Variants in GPR158 observed in about 807,000 individuals in gnomAD.
GPR158 encodes metabotropic glycine receptor.
Under a neutral mutation model 78.2 loss-of-function variants are expected in GPR158, and 30 were observed. The observed-to-expected ratio is 0.38, with a 90% CI of 0.29 to 0.52. The LOEUF is 0.52. Among genes scored for constraint, GPR158 ranks in the 20% least tolerant of loss-of-function variants. The pLI, the probability that GPR158 is intolerant of heterozygous loss-of-function variation, is 0.83. For missense variants in GPR158, 1,463 were observed against 1,523.5 expected, an observed-to-expected ratio of 0.96 and a Z score of 0.66; for synonymous variants, 581 against 591.1, an observed-to-expected ratio of 0.98 and a Z score of 0.25.
chr10:25,590,976 GGA>G (rs1374812589), intron 8 of GPR158, among the ~76,000 whole-genome samples: 1 of 152,012 alleles, frequency 6.6e-6, no homozygotes, highest in African/African-American at 2.4e-5. Context: ...GGTTCTTTCA[GGA>G]GTAGGCATGG....
At chr10:25,384,256 A>G (rs1423205685) in intron 2 of GPR158, among the ~76,000 whole-genome samples, 1 of 152,182 alleles carries the variant, frequency 6.6e-6, no homozygotes, top group Non-Finnish European at 1.5e-5. Flanking sequence ...CTGCCAGCTC[A>G]AAATAAAGAA....
At chr10:25,483,426 C>T (rs529844744) in intron 5 of GPR158, among the ~76,000 whole-genome samples, 2 of 152,108 alleles carry the variant, frequency 1.3e-5, no homozygotes, top group African/African-American at 2.4e-5. Flanking sequence ...AAGCTCACCC[C>T]GACTACCCGA....
At chr10:25,367,135 T>G (rs1376420745) in intron 2 of GPR158, among the ~76,000 whole-genome samples, 1 of 151,698 alleles carries the variant, frequency 6.6e-6, no homozygotes, top group Non-Finnish European at 1.5e-5. Flanking sequence ...TTCTACTCCA[T>G]ATTTCATCTA....
intron 5 of GPR158, among the ~76,000 whole-genome samples, chr10:25,524,718 T>A (rs900148505): frequency 1.1e-4 from 17 of 152,174 alleles, no homozygotes; most frequent in African/African-American, 4.1e-4. Context: ...TTTATGACCT[T>A]GGGGTAAGCA....
intron 4 of GPR158, among the ~76,000 whole-genome samples, chr10:25,425,439 A>C (rs1834807050): frequency 6.6e-6 from 1 of 151,942 alleles, no homozygotes; most frequent in South Asian, 2.1e-4. Flanking sequence ...GATGTTGAAC[A>C]TTTTTTCATA....
intron 4 of GPR158, among the ~76,000 whole-genome samples, chr10:25,434,447 A>T (rs1834969412): frequency 6.6e-6 from 1 of 152,218 alleles, no homozygotes; most frequent in African/African-American, 2.4e-5. Context: ...TTTGAAAAAT[A>T]TTATGAGACA....
chr10:25,283,946 C>T (rs147846936), intron 2 of GPR158, among the ~76,000 whole-genome samples: 2,066 of 151,938 alleles, frequency 0.014, 31 homozygotes, highest in South Asian at 0.058. Context: ...TGTTATTGAT[C>T]GCTAGTTGAA....
chr10:25,413,844 CA>C (rs1834625679), intron 4 of GPR158, among the ~76,000 whole-genome samples: 1 of 152,158 alleles, frequency 6.6e-6, no homozygotes, highest in Non-Finnish European at 1.5e-5. Flanking sequence ...TTTAAGTCAG[CA>C]AGTAAGTGCA....
chr10:25,584,555 G>T (rs1325692354), intron 7 of GPR158, among the ~76,000 whole-genome samples: 4 of 152,074 alleles, frequency 2.6e-5, no homozygotes, highest in Admixed American at 2.6e-4. Context: ...TGAATCTTCA[G>T]TATAACATTA....
intron 8 of GPR158, among the ~76,000 whole-genome samples, chr10:25,589,694 T>C (rs1398704760): frequency 6.6e-6 from 1 of 152,174 alleles, no homozygotes; most frequent in Non-Finnish European, 1.5e-5. Context: ...GGGATAAGAA[T>C]GTATAGCTTG....
chr10:25,405,862 A>T (rs796152775), intron 3 of GPR158, among the ~76,000 whole-genome samples: 4 of 152,236 alleles, frequency 2.6e-5, no homozygotes, highest in African/African-American at 9.6e-5. Context: ...AAAGCCTTTA[A>T]CATCATGATT....
intron 1 of GPR158, among the ~76,000 whole-genome samples, chr10:25,202,962 T>C (rs544046156): frequency 2.2e-4 from 34 of 152,344 alleles, no homozygotes; most frequent in African/African-American, 8.2e-4. Flanking sequence ...TGGTGTGAGA[T>C]GGTATCTCAT....
chr10:25,488,663 CCTT>C (rs755300649), intron 5 of GPR158, among the ~76,000 whole-genome samples: 1 of 151,992 alleles, frequency 6.6e-6, no homozygotes, highest in Non-Finnish European at 1.5e-5. Flanking sequence ...TATAGCTCTT[CCTT>C]CTTGTTCTTT....
At chr10:25,181,609 T>A (rs77805380) in intron 1 of GPR158, among the ~76,000 whole-genome samples, 3 of 152,226 alleles carry the variant, frequency 2.0e-5, no homozygotes, top group Non-Finnish European at 4.4e-5. Context: ...AGGAGTTGCC[T>A]CTTTAATTTT....
chr10:25,419,977 C>G (rs2130559332), intron 4 of GPR158, among the ~76,000 whole-genome samples: 1 of 152,166 alleles, frequency 6.6e-6, no homozygotes, highest in East Asian at 1.9e-4. Context: ...CCTCTATGTT[C>G]TGCCTTTGCC....
At chr10:25,293,412 G>C (rs192998294) in intron 2 of GPR158, among the ~76,000 whole-genome samples, 2 of 152,270 alleles carry the variant, frequency 1.3e-5, no homozygotes, top group East Asian at 3.9e-4. Context: ...TTCACAATAA[G>C]GTGAATCCTT....
Position 25,386,857 on chromosome 10 carries a change from T to A in GPR158, c.1009-9054T>A, listed in dbSNP as rs548517433. The stretch of plus-strand genomic sequence containing the variant: ...GATACATTTATTAGTTCTAGTAGTT[T>A]TTGTGTGTGTGGAATTTCAGGGTTT... On this transcript the variant is annotated intron_variant, in intron 2 of 10. Coordinates refer to ENST00000376351, the MANE Select transcript of GPR158 (RefSeq NM_020752.3). Among the ~76,000 whole-genome samples the A allele has an allele frequency of 2.6e-5, 4 of 152,288 alleles. 1 individual carries two copies. Among genetic ancestry groups the A allele is most frequent in the African/African-American group, 9.6e-5 (4 of 41,570 alleles).
At chr10:25,291,581 G>A (rs1854436219) in intron 2 of GPR158, among the ~76,000 whole-genome samples, 1 of 151,926 alleles carries the variant, frequency 6.6e-6, no homozygotes, top group African/African-American at 2.4e-5. Context: ...ACTAAAGTTA[G>A]CATACCTTAA....
chr10:25,301,541 C>T (rs541557155), intron 2 of GPR158, among the ~76,000 whole-genome samples: 14 of 151,870 alleles, frequency 9.2e-5, no homozygotes, highest in Non-Finnish European at 1.8e-4. Flanking sequence ...TGAATTACTT[C>T]GTGGCCTAGA....
Sources: gnomAD v4.1 joint callset for allele counts (sites outside exome capture counted in the v4.1 genomes callset) on GRCh38, gnomAD v4.1.1 for gene constraint, MANE v1.5 for transcripts, NCBI Gene and HGNC (gene_info 2026-07-23, HGNC 2026-07-21) for gene names.